Variants in NR2C1 observed in about 807,000 individuals in gnomAD.
The protein encoded by NR2C1 is nuclear receptor subfamily 2 group C member 1, also known as TR2 nuclear hormone receptor.
In NR2C1, 33 loss-of-function variants were observed where a neutral mutation model predicts 74.8. The ratio of observed to expected loss-of-function variants is 0.44; its 90% confidence interval spans 0.33 to 0.59. The LOEUF (loss-of-function observed/expected upper bound fraction) is 0.59. NR2C1 is among the 20% of genes least tolerant of loss of function. The probability of loss-of-function intolerance (pLI) is 0.02; values close to 1 mark genes in which losing one functional copy is unlikely to be tolerated. For missense variants in NR2C1, 568 were observed against 715.6 expected (o/e 0.79, Z 2.35); for synonymous variants, 225 against 240.6 (o/e 0.94, Z 0.60).
Position 95,021,484 on chromosome 12 carries a change from G to GAAAACA in NR2C1, c.*739_*744dup, listed in dbSNP as rs1236613137. The GAAAACA allele has an allele frequency of 2.0e-5, 3 of 151,896 alleles. No individual in the cohort carries two copies. The highest frequency in any genetic ancestry group is 2.1e-4 in the South Asian group (1 of 4,810). The allele number at this position is 151,896 out of a possible 1,614,324, so 9.4% of individuals were successfully genotyped here. A position where few individuals can be genotyped will look rare whatever the true frequency, so the allele number is the denominator to read the frequency against. ...AACAGTGAAACCCACCTCTATAAAC[G>GAAAACA]AAAACAAAAACAAAAACACGAGCAG... is the stretch of plus-strand genomic sequence containing the variant. On this transcript the variant is annotated 3_prime_UTR_variant, in exon 14 of 14. Coordinates refer to ENST00000333003, the MANE Select transcript of NR2C1 (RefSeq NM_003297.4).
rs560753445 is a variant in NR2C1 at position 95,057,332 on chromosome 12, T to C, written c.783+221A>G. Among the ~76,000 whole-genome samples, 95 of 151,922 alleles carry C rather than the reference T, an allele frequency of 6.3e-4. 1 individual carries two copies. The highest frequency in any genetic ancestry group is 2.2e-3 in the African/African-American group (92 of 41,430). On this transcript the variant is annotated intron_variant, in intron 7 of 13. Transcript: ENST00000333003. ...GTTGGTCAGGCTGGTCTTGAACTTC[T>C]GACCTCAAGCGATCCATGTGCCTCG...
At chr12:95,029,705 T>C (rs2136099211) in intron 11 of NR2C1, among the ~76,000 whole-genome samples, 1 of 151,772 alleles carries the variant, frequency 6.6e-6, no homozygotes, top group African/African-American at 2.4e-5. Context: ...TACAGGCGCT[T>C]GCCACCACGC....
chr12:95,052,553 C>T lies in NR2C1; in HGVS notation c.784-610G>A, dbSNP rs1445571480. On this transcript the variant is annotated intron_variant, in intron 7 of 13. Coordinates refer to ENST00000333003, the MANE Select transcript of NR2C1 (RefSeq NM_003297.4). ...ATCACTGCATCCTTAAATTTCTGGG[C>T]TCACTGATCCTCCTACCTCAGCCTC... 2.0e-5 allele frequency among the ~76,000 whole-genome samples: 3 copies of T among 152,248 alleles called. No individual in the cohort carries two copies. In the East Asian group the frequency reaches 5.8e-4, roughly 29 times the overall value.
At chr12:95,025,044 A>G in intron 13 of NR2C1, 106 bp downstream of exon 13, 1 of 533,802 alleles carries the variant, frequency 1.9e-6, no homozygotes, top group Non-Finnish European at 3.2e-6. Context: ...TTCAAAGTTA[A>G]GGTTGCCTAA....
chr12:95,036,203 AAG>A (rs1870798296), intron 10 of NR2C1, among the ~76,000 whole-genome samples: 1 of 151,782 alleles, frequency 6.6e-6, no homozygotes, highest in Non-Finnish European at 1.5e-5. Flanking sequence ...AAGAAGCAAA[AAG>A]AGCTGAGTAG....
intron 2 of NR2C1, among the ~76,000 whole-genome samples, chr12:95,064,948 A>G (rs1875434138): frequency 6.6e-6 from 1 of 152,226 alleles, no homozygotes; most frequent in South Asian, 2.1e-4. Flanking sequence ...TGGATAAAAG[A>G]CTAATAGTTC....
chr12:95,021,146 A>G lies in NR2C1; in HGVS notation c.*1083T>C, dbSNP rs1312542431. On this transcript the variant is annotated 3_prime_UTR_variant, in exon 14 of 14. Coordinates refer to ENST00000333003, the MANE Select transcript of NR2C1 (RefSeq NM_003297.4). ...ATCCTTTTTATGGAATGAAAGAGCA[A>G]CAATTTAAATATCTTTTTTGAAATA... The G allele has an allele frequency of 6.6e-6, 1 of 152,172 alleles. No homozygotes were observed. Among genetic ancestry groups the G allele is most frequent in the African/African-American group, 2.4e-5 (1 of 41,456 alleles). The allele number at this position is 152,172 out of a possible 1,614,324, so 9.4% of individuals were successfully genotyped here. A position where few individuals can be genotyped will look rare whatever the true frequency, so the allele number is the denominator to read the frequency against.
intron 2 of NR2C1, chr12:95,067,004 A>G (rs1005687): frequency 0.19 from 58,949 of 311,334 alleles, 5,896 homozygotes; most frequent in Middle Eastern, 0.24. Context: ...CACCAAAACT[A>G]GGCTCAGATT....
chr12:95,068,728 A>G (rs1231744818), intron 1 of NR2C1, among the ~76,000 whole-genome samples: 3 of 151,436 alleles, frequency 2.0e-5, no homozygotes, highest in African/African-American at 7.3e-5. Flanking sequence ...TGGGAGGCGG[A>G]GGTTGCGGTG....
intron 5 of NR2C1, 123 bp from the exon 6 acceptor site, chr12:95,058,001 T>C: frequency 2.3e-6 from 2 of 873,206 alleles, no homozygotes; most frequent in Non-Finnish European, 3.5e-6. Flanking sequence ...ACTCCAAAGA[T>C]AACCATCAAT....
intron 10 of NR2C1, among the ~76,000 whole-genome samples, chr12:95,038,640 C>G (rs796560387): frequency 2.5e-4 from 38 of 152,290 alleles, no homozygotes; most frequent in African/African-American, 8.9e-4. Context: ...CACCTGTAGT[C>G]CCAGCTACTC....
chr12:95,041,302 A>T (rs1380215300), intron 9 of NR2C1, among the ~76,000 whole-genome samples: 1 of 152,150 alleles, frequency 6.6e-6, no homozygotes, highest in Non-Finnish European at 1.5e-5. Flanking sequence ...CCCGGTCAAC[A>T]TGGTTAAACC....
chr12:95,024,644 T>C (rs1869140274), intron 13 of NR2C1, among the ~76,000 whole-genome samples: 1 of 152,182 alleles, frequency 6.6e-6, no homozygotes, highest in South Asian at 2.1e-4. Flanking sequence ...GTCACCCAGA[T>C]TGGAGCGTAG....
Position 95,022,250 on chromosome 12 carries a change from T to A in NR2C1, c.1791A>T (p.Gln597His). Residue 597 changes from glutamine to histidine, a missense_variant, in exon 14 of 14, where the codon CAA becomes CAT. By Grantham distance (24) the Gln-to-His change is conservative. Around this residue, in one of 6 missense-constraint regions of NR2C1, gnomAD observed 117 missense variants for 186.7 expected, o/e 0.63. Coordinates refer to ENST00000333003, the MANE Select transcript of NR2C1 (RefSeq NM_003297.4). The stretch of plus-strand genomic sequence containing the variant: ...GTTTTCAAATGCTGTGACCAATTAT[T>A]TGAGAGTTATAATCTGCAGGCTCCA... Reference protein sequence around the residue: ...LKMEPADYNSQIIGHSI With the variant: ...LKMEPADYNSHIIGHSI 6.2e-7 allele frequency: 1 copy of A among 1,610,932 alleles called. No homozygotes were observed. The highest frequency in any genetic ancestry group is 8.5e-7 in the Non-Finnish European group (1 of 1,179,358).
chr12:95,036,684 A>C (rs1022717875), intron 10 of NR2C1, among the ~76,000 whole-genome samples: 7 of 151,544 alleles, frequency 4.6e-5, no homozygotes, highest in Non-Finnish European at 1.0e-4. Flanking sequence ...CTAACTTTTG[A>C]ATTTTTAGTA....
intron 1 of NR2C1, among the ~76,000 whole-genome samples, chr12:95,072,050 G>A (rs564637772): frequency 5.8e-4 from 87 of 150,434 alleles, no homozygotes; most frequent in African/African-American, 1.8e-3. Context: ...GCCCAGCCGC[G>A]ACCCACTTTT....
chr12:95,062,819 T>C (rs1302613627), intron 2 of NR2C1, 81 bp from the exon 3 acceptor site: 1 of 1,012,478 alleles, frequency 9.9e-7, no homozygotes, highest in Non-Finnish European at 1.5e-6. Context: ...AAAAGCACAT[T>C]ACATATATAT....
At chr12:95,066,745 T>C (rs1875761749) in intron 2 of NR2C1, among the ~76,000 whole-genome samples, 1 of 152,256 alleles carries the variant, frequency 6.6e-6, no homozygotes, top group Non-Finnish European at 1.5e-5. Context: ...CATTTCATCA[T>C]ATAGTATCAT....
At chr12:95,058,785 C>T (rs1414878197) in intron 4 of NR2C1, among the ~76,000 whole-genome samples, 4 of 152,128 alleles carry the variant, frequency 2.6e-5, no homozygotes, top group East Asian at 3.9e-4. Flanking sequence ...CCACCACACC[C>T]GACCAGTTTT....
Sources: allele counts gnomAD v4.1 joint callset (sites outside exome capture counted in the v4.1 genomes callset), GRCh38; gene constraint gnomAD v4.1.1; regional missense constraint gnomAD v4.1.1; transcripts MANE v1.5; gene names NCBI Gene and HGNC (gene_info 2026-07-23, HGNC 2026-07-21).